The following FGF12 variants were observed in gnomAD, a reference collection of about 807,000 sequenced individuals.
The protein encoded by FGF12 is fibroblast growth factor 12B.
FGF12 carries 14 observed loss-of-function variants against 23.6 expected under a neutral mutation model. The observed-to-expected ratio is 0.59, with a 90% confidence interval of 0.39 to 0.93. The LOEUF (loss-of-function observed/expected upper bound fraction) is 0.93. FGF12 is among the 40% of genes least tolerant of loss of function. The pLI, the probability that FGF12 is intolerant of heterozygous loss-of-function variation, is 0.00. For missense variants in FGF12, 175 were observed against 217.8 expected, an observed-to-expected ratio of 0.80 and a Z score of 1.24; for synonymous variants, 62 against 77.3, an observed-to-expected ratio of 0.80 and a Z score of 1.04.
At chr3:192,158,481 T>C (rs530819338) in intron 5 of FGF12, among the ~76,000 whole-genome samples, 10 of 149,704 alleles carry the variant, frequency 6.7e-5, no homozygotes, top group African/African-American at 2.5e-4. Flanking sequence ...TTTGTCTCTC[T>C]CTCCCTTCCT....
chr3:192,569,407 G>A (rs1712492289), intron 2 of FGF12, among the ~76,000 whole-genome samples: 1 of 152,146 alleles, frequency 6.6e-6, no homozygotes, highest in Non-Finnish European at 1.5e-5. Context: ...AATTTCTAAG[G>A]AACCCTCGTA....
chr3:192,180,719 A>C (rs1716123803), intron 4 of FGF12, among the ~76,000 whole-genome samples: 1 of 152,216 alleles, frequency 6.6e-6, no homozygotes, highest in Admixed American at 6.5e-5. Context: ...ACTCCCATGA[A>C]GTCAAACTAA....
At chr3:192,603,588 G>T (rs1384875061) in intron 2 of FGF12, among the ~76,000 whole-genome samples, 1 of 152,090 alleles carries the variant, frequency 6.6e-6, no homozygotes, top group Admixed American at 6.6e-5. Flanking sequence ...GGGGGTGCTG[G>T]GGGTGACATC....
chr3:192,618,937 C>A (rs978353572), intron 2 of FGF12, among the ~76,000 whole-genome samples: 2 of 151,382 alleles, frequency 1.3e-5, no homozygotes, highest in Non-Finnish European at 2.9e-5. Context: ...TTCCAGCCAG[C>A]CAATTAAAAA....
At chr3:192,248,272 C>T (rs948199642) in intron 4 of FGF12, among the ~76,000 whole-genome samples, 1 of 152,142 alleles carries the variant, frequency 6.6e-6, no homozygotes, top group African/African-American at 2.4e-5. Flanking sequence ...TGGAGAACAA[C>T]CTTGACAATA....
intron 2 of FGF12, among the ~76,000 whole-genome samples, chr3:192,627,807 A>C (rs984002243): frequency 6.6e-6 from 1 of 151,990 alleles, no homozygotes; most frequent in African/African-American, 2.4e-5. Flanking sequence ...ATTAACATTT[A>C]TATAATTCAC....
intron 2 of FGF12, among the ~76,000 whole-genome samples, chr3:192,439,804 G>A (rs551714304): frequency 2.6e-4 from 40 of 152,024 alleles, no homozygotes; most frequent in East Asian, 9.7e-4. Flanking sequence ...GTGAAACCCC[G>A]TCTCTACTAA....
At position 192,320,956 on chromosome 3, in the gene FGF12, G is replaced by A. The variant is rs971881663; in HGVS notation, c.228+14405C>T. On this transcript the variant is annotated intron_variant, in intron 4 of 5. Transcript: ENST00000445105. The stretch of plus-strand genomic sequence containing the variant: ...TTAGGAGAAGAAAATAAATAATAAA[G>A]ACCAGAGCAGTAGTAAAGGAATTTG... 8.6e-5 allele frequency among the ~76,000 whole-genome samples: 13 copies of A among 151,750 alleles called. 1 individual carries two copies. The highest frequency in any genetic ancestry group is 6.6e-4 in the Admixed American group (10 of 15,236).
intron 3 of FGF12, among the ~76,000 whole-genome samples, chr3:192,344,077 G>GCCA (rs1437423118): frequency 2.5e-4 from 38 of 152,132 alleles, no homozygotes; most frequent in Admixed American, 6.5e-5. Flanking sequence ...ACTCCCACAT[G>GCCA]CGTAGTGTTC....
chr3:192,285,326 T>C (rs1045503314), intron 4 of FGF12, among the ~76,000 whole-genome samples: 2 of 152,022 alleles, frequency 1.3e-5, no homozygotes, highest in Non-Finnish European at 2.9e-5. Context: ...AGTACTAAAA[T>C]TCAAGCCTCC....
chr3:192,287,580 A>G (rs1307897280), intron 4 of FGF12, among the ~76,000 whole-genome samples: 1 of 152,064 alleles, frequency 6.6e-6, no homozygotes, highest in African/African-American at 2.4e-5. Context: ...CCAAAATAGT[A>G]AAACCACTAA....
At chr3:192,708,661 AG>A (rs1393654648) in intron 2 of FGF12, among the ~76,000 whole-genome samples, 1 of 152,234 alleles carries the variant, frequency 6.6e-6, no homozygotes, top group African/African-American at 2.4e-5. Flanking sequence ...AAAACAAGCT[AG>A]GACCCAAGGA....
intron 2 of FGF12, among the ~76,000 whole-genome samples, chr3:192,437,965 G>A (rs537144382): frequency 5.3e-5 from 8 of 152,240 alleles, no homozygotes; most frequent in Non-Finnish European, 1.0e-4. Flanking sequence ...TTCTTTGGCA[G>A]TCATATCCCC....
At chr3:192,270,410 T>C (rs1713359201) in intron 4 of FGF12, among the ~76,000 whole-genome samples, 1 of 151,936 alleles carries the variant, frequency 6.6e-6, no homozygotes, top group South Asian at 2.1e-4. Flanking sequence ...ATAAAACCCC[T>C]CATTTCTCCC....
intron 4 of FGF12, among the ~76,000 whole-genome samples, chr3:192,183,362 T>G (rs1716285151): frequency 1.3e-5 from 2 of 152,170 alleles, no homozygotes; most frequent in African/African-American, 2.4e-5. Flanking sequence ...CACGTTCATT[T>G]TAACAGCCTA....
intron 4 of FGF12, among the ~76,000 whole-genome samples, chr3:192,174,900 A>C (rs1715773411): frequency 6.6e-6 from 1 of 152,210 alleles, no homozygotes; most frequent in South Asian, 2.1e-4. Context: ...TTAAATGTTT[A>C]GAATTTAACA....
chr3:192,597,751 C>T (rs528592526), intron 2 of FGF12, among the ~76,000 whole-genome samples: 4 of 152,166 alleles, frequency 2.6e-5, no homozygotes, highest in Admixed American at 6.5e-5. Context: ...TTGCCAGTTA[C>T]GTGGATGACA....
chr3:192,600,873 A>G (rs1714084386), intron 2 of FGF12, among the ~76,000 whole-genome samples: 1 of 152,102 alleles, frequency 6.6e-6, no homozygotes, highest in African/African-American at 2.4e-5. Flanking sequence ...TAACACCGCT[A>G]TGGAAAACAG....
intron 4 of FGF12, among the ~76,000 whole-genome samples, chr3:192,330,159 T>C (rs1184007748): frequency 1.3e-5 from 2 of 152,102 alleles, no homozygotes; most frequent in Non-Finnish European, 2.9e-5. Context: ...CCGGAGACAA[T>C]CTACATATTC....
Sources: allele counts gnomAD v4.1 joint callset (sites outside exome capture counted in the v4.1 genomes callset), GRCh38; gene constraint gnomAD v4.1.1; transcripts MANE v1.5; gene names NCBI Gene and HGNC (gene_info 2026-07-23, HGNC 2026-07-21).